The following PRKAR1B variants were observed in gnomAD, a reference collection of about 807,000 sequenced individuals.
The protein encoded by PRKAR1B is protein kinase cAMP-dependent type I regulatory subunit beta, also known as cAMP-dependent protein kinase type I-beta regulatory subunit.
A neutral mutation model predicts 46.5 loss-of-function variants in PRKAR1B; 22 were observed. That is an observed-to-expected ratio of 0.47 (90% CI 0.34 to 0.68). PRKAR1B has a LOEUF of 0.68. Among genes scored for constraint, PRKAR1B ranks in the 30% least tolerant of loss-of-function variants. PRKAR1B has a pLI of 0.01. For synonymous variants in PRKAR1B, 259 were observed against 217.7 expected (o/e 1.19, Z -1.67); for missense variants, 445 against 535.6 (o/e 0.83, Z 1.67).
chr7:613,971 G>A (rs889363090), intron 4 of PRKAR1B, among the ~76,000 whole-genome samples: 5 of 152,240 alleles, frequency 3.3e-5, no homozygotes, highest in African/African-American at 4.8e-5. Flanking sequence ...GCCACCAAGC[G>A]GGTGGGAGAC....
At chr7:721,235 G>A (rs569567375) in intron 1 of PRKAR1B, among the ~76,000 whole-genome samples, 9 of 152,236 alleles carry the variant, frequency 5.9e-5, no homozygotes, top group Non-Finnish European at 1.2e-4. Flanking sequence ...TTTTTGCTTC[G>A]ATCATCAAAT....
intron 1 of PRKAR1B, among the ~76,000 whole-genome samples, chr7:718,181 C>T (rs1780945070): frequency 6.6e-6 from 1 of 151,334 alleles, no homozygotes; most frequent in East Asian, 2.0e-4. Context: ...TTCAGAGGAC[C>T]CAGTAAAGCC....
At chr7:601,854 G>C (rs930458414) in intron 6 of PRKAR1B, among the ~76,000 whole-genome samples, 2 of 152,082 alleles carry the variant, frequency 1.3e-5, no homozygotes, top group Non-Finnish European at 2.9e-5. Flanking sequence ...GTCCAGCAGA[G>C]GCCTTAAAGC....
chr7:611,747 C>G (rs988384742), intron 4 of PRKAR1B, among the ~76,000 whole-genome samples: 1 of 151,248 alleles, frequency 6.6e-6, no homozygotes, highest in African/African-American at 2.4e-5. Flanking sequence ...CATGGATGTA[C>G]AGGTGGGTGA....
intron 2 of PRKAR1B, among the ~76,000 whole-genome samples, chr7:694,007 G>A (rs548382025): frequency 4.6e-5 from 7 of 152,344 alleles, no homozygotes; most frequent in East Asian, 1.9e-4. Context: ...GGACTCGGCC[G>A]GGCGTGGTGG....
intron 4 of PRKAR1B, among the ~76,000 whole-genome samples, chr7:651,690 C>A (rs1021928604): frequency 1.9e-3 from 249 of 130,662 alleles, no homozygotes; most frequent in African/African-American, 6.3e-3. Context: ...ACCCACACAG[C>A]GCTAGGAACC....
chr7:626,008 CAA>C (rs71016892), intron 4 of PRKAR1B, among the ~76,000 whole-genome samples: 80,131 of 110,022 alleles, frequency 0.73, 27,259 homozygotes, highest in South Asian at 0.85. Context: ...AACTCCATCT[CAA>C]AAAAAAAAAA....
At position 643,590 on chromosome 7, in the gene PRKAR1B, C is replaced by T. The variant is rs182988886; in HGVS notation, c.440+33639G>A. Among the ~76,000 whole-genome samples the T allele has an allele frequency of 2.5e-3, 375 of 151,324 alleles. 3 individuals carry two copies. The highest frequency in any genetic ancestry group is 3.9e-3 in the Admixed American group (59 of 15,260). On this transcript the variant is annotated intron_variant, in intron 4 of 10. Transcript: ENST00000537384. The stretch of plus-strand genomic sequence containing the variant: ...ATACAAAATTAGCTGGGCATGGTGG[C>T]GCAGGCCTGTAATCCCAGCTACTCG...
chr7:678,513 C>A (rs1161458538), intron 3 of PRKAR1B, among the ~76,000 whole-genome samples: 1 of 152,186 alleles, frequency 6.6e-6, no homozygotes, highest in East Asian at 1.9e-4. Flanking sequence ...TCAACAATTC[C>A]CCACTCCCTC....
chr7:612,048 CGGATGGATGGAT>C (rs553779459), intron 4 of PRKAR1B, among the ~76,000 whole-genome samples: 1 of 130,554 alleles, frequency 7.7e-6, no homozygotes, highest in African/African-American at 3.0e-5. Flanking sequence ...AGTAGAATAA[CGGATGGATGGAT>C]GGATGGATGG....
At chr7:660,983 C>G (rs1418183167) in intron 4 of PRKAR1B, among the ~76,000 whole-genome samples, 3 of 105,306 alleles carry the variant, frequency 2.8e-5, no homozygotes, top group East Asian at 3.3e-4. Flanking sequence ...AGGTCCCCAC[C>G]CCAACAGATC....
At chr7:632,155 G>T (rs1204594619) in intron 4 of PRKAR1B, among the ~76,000 whole-genome samples, 2 of 152,178 alleles carry the variant, frequency 1.3e-5, no homozygotes, top group Admixed American at 6.5e-5. Flanking sequence ...GCTGGCCAAG[G>T]TCTGTTATCT....
intron 4 of PRKAR1B, among the ~76,000 whole-genome samples, chr7:631,787 T>C (rs10233134): frequency 7.0e-6 from 1 of 143,562 alleles, no homozygotes; most frequent in Non-Finnish European, 1.5e-5. Context: ...CCCCCATCTC[T>C]AAAAAAAAAA....
intron 2 of PRKAR1B, among the ~76,000 whole-genome samples, chr7:704,962 T>A (rs1780243036): frequency 1.3e-5 from 2 of 151,816 alleles, no homozygotes; most frequent in African/African-American, 2.4e-5. Context: ...TATGAAAACA[T>A]CCTCAACAAC....
rs183971877 is a variant in PRKAR1B at position 633,751 on chromosome 7, C to G, written c.441-26299G>C. Among the ~76,000 whole-genome samples the G allele has an allele frequency of 4.7e-3, 717 of 152,162 alleles. 3 individuals are homozygous for G. The highest frequency in any genetic ancestry group is 0.024 in the South Asian group (117 of 4,818). On this transcript the variant is annotated intron_variant, in intron 4 of 10. Transcript: ENST00000537384. Reference sequence around the variant, plus strand: ...AGGTTCCTGAGGTGATTTAAAGGAGCTGCCCACCTTGGAAAAAGTCGGGGA... The same window carrying G: ...AGGTTCCTGAGGTGATTTAAAGGAGGTGCCCACCTTGGAAAAAGTCGGGGA...
chr7:551,278 C>T (rs1784174870), intron 10 of PRKAR1B, 111 bp downstream of exon 10: 13 of 1,041,486 alleles, frequency 1.2e-5, no homozygotes, highest in Non-Finnish European at 1.8e-5. Context: ...CCAAGCCCCA[C>T]TACAAGGCCC....
At chr7:603,607 C>T (rs998297348) in intron 6 of PRKAR1B, among the ~76,000 whole-genome samples, 6 of 124,786 alleles carry the variant, frequency 4.8e-5, no homozygotes, top group Admixed American at 7.3e-5. Flanking sequence ...CTCCAGGACC[C>T]AGAGTGGAGG....
rs1221515989 is a variant in PRKAR1B, at chr7:551,369, G to A, written c.973+20C>T. On this transcript the variant is annotated intron_variant, in intron 10 of 10. Transcript: ENST00000537384. ...AGATGGCCACAGCCGTGCGAGGGAG[G>A]GGACGCCCACTGGACTCACCGAAGT... The A allele has an allele frequency of 3.9e-6, 6 of 1,549,998 alleles. No individual in the cohort carries two copies. In the Admixed American group the frequency reaches 5.9e-5, roughly 15 times the overall value.
chr7:632,472 G>A (rs907246294), intron 4 of PRKAR1B, among the ~76,000 whole-genome samples: 1 of 152,146 alleles, frequency 6.6e-6, no homozygotes, highest in Admixed American at 6.5e-5. Context: ...AGCTCAGGAC[G>A]GCCACTGCGT....
Sources: gnomAD v4.1 joint callset for allele counts (sites outside exome capture counted in the v4.1 genomes callset) on GRCh38, gnomAD v4.1.1 for gene constraint, MANE v1.5 for transcripts, NCBI Gene and HGNC (gene_info 2026-07-23, HGNC 2026-07-21) for gene names.